Variants in SMURF2 observed in about 807,000 individuals in gnomAD.
SMURF2 encodes SMAD specific E3 ubiquitin protein ligase 2, also known as E3 ubiquitin-protein ligase SMURF2.
SMURF2 carries 48 observed loss-of-function variants against 109.6 expected under a neutral mutation model. That is an observed-to-expected ratio of 0.44 (90% CI 0.35 to 0.56). The LOEUF is 0.56. Ranked by LOEUF, SMURF2 falls within the 20% of genes least tolerant of loss-of-function variation. The probability of loss-of-function intolerance (pLI) is 0.01; values close to 1 mark genes in which losing one functional copy is unlikely to be tolerated. For synonymous variants in SMURF2, 288 were observed against 317.1 expected (o/e 0.91, Z 0.97); for missense variants, 575 against 909.0 (o/e 0.63, Z 4.72).
chr17:64,546,260 T>C lies in SMURF2; in HGVS notation c.2147+3A>G, dbSNP rs1968952785. The C allele has an allele frequency of 6.2e-7, 1 of 1,613,912 alleles. No individual in the cohort carries two copies. The highest frequency in any genetic ancestry group is 2.2e-5 in the East Asian group (1 of 44,884). On this transcript the variant is annotated splice_donor_region_variant and intron_variant, in intron 18 of 18. Coordinates refer to ENST00000262435, the MANE Select transcript of SMURF2 (RefSeq NM_022739.4). ...GGGGAATACAGCTACAAAAATACCT[T>C]ACCAAGTGTGGGCTTTCGGCAGGTT...
At chr17:64,583,988 A>G (rs1172262103) in intron 6 of SMURF2, among the ~76,000 whole-genome samples, 4 of 152,008 alleles carry the variant, frequency 2.6e-5, no homozygotes, top group African/African-American at 9.7e-5. Context: ...CATTTAGCCT[A>G]CCCAAACTAA....
chr17:64,631,960 G>GC (rs1970354488), intron 1 of SMURF2, among the ~76,000 whole-genome samples: 2 of 20,612 alleles, frequency 9.7e-5, no homozygotes, highest in African/African-American at 5.4e-4. Context: ...CTCTTTTTTT[G>GC]CGGGGGGGGG....
chr17:64,626,292 T>C (rs1970268847), intron 1 of SMURF2, among the ~76,000 whole-genome samples: 1 of 151,092 alleles, frequency 6.6e-6, no homozygotes, highest in Non-Finnish European at 1.5e-5. Context: ...CATAGGATTA[T>C]ACATATTCAT....
chr17:64,551,620 T>C lies in SMURF2; in HGVS notation c.1833A>G (p.Gln611=). 3 of 1,614,090 alleles carry C rather than the reference T, an allele frequency of 1.9e-6. No individual in the cohort carries two copies. Among genetic ancestry groups the C allele is most frequent in the Non-Finnish European group, 2.5e-6 (3 of 1,179,954 alleles). ...LQKGFNEVIP[Q]HLLKTFDEKE... Reference sequence around the variant, plus strand: ...TCTCATCAAATGTCTTCAGCAGATGTTGTGGAATTACTTCATTAAATCCTT... The same window carrying C: ...TCTCATCAAATGTCTTCAGCAGATGCTGTGGAATTACTTCATTAAATCCTT... Residue 611 remains glutamine, a synonymous_variant, in exon 16 of 19, where the codon CAA becomes CAG. Coordinates refer to ENST00000262435, the MANE Select transcript of SMURF2 (RefSeq NM_022739.4).
chr17:64,649,234 T>C (rs1223886418), intron 1 of SMURF2, among the ~76,000 whole-genome samples: 2 of 152,234 alleles, frequency 1.3e-5, no homozygotes, highest in African/African-American at 4.8e-5. Flanking sequence ...CACACTCATT[T>C]AGACTTTGGG....
At chr17:64,644,985 A>G (rs1970540685) in intron 1 of SMURF2, among the ~76,000 whole-genome samples, 1 of 151,660 alleles carries the variant, frequency 6.6e-6, no homozygotes. Context: ...TTCAGCCTGG[A>G]TAACAAGAGC....
Position 64,545,797 on chromosome 17 carries a change from C to T in SMURF2, c.*51G>A. ...TCTTTGAAACTCTGCTGAAAGGAGG[C>T]TGTCAGTCAGGGTTGTATAAATAGA... On this transcript the variant is annotated 3_prime_UTR_variant, in exon 19 of 19. Coordinates refer to ENST00000262435, the MANE Select transcript of SMURF2 (RefSeq NM_022739.4). 1 of 795,022 alleles carries T rather than the reference C, an allele frequency of 1.3e-6. No individual in the cohort carries two copies. The highest frequency in any genetic ancestry group is 2.0e-6 in the Non-Finnish European group (1 of 491,464). 49.2% of individuals were successfully genotyped at this position (795,022 alleles called of 1,614,324 possible).
intron 1 of SMURF2, among the ~76,000 whole-genome samples, chr17:64,609,358 C>T (rs1163035969): frequency 1.3e-5 from 2 of 152,196 alleles, no homozygotes; most frequent in Non-Finnish European, 2.9e-5. Context: ...ATCACACTAC[C>T]TGACTTCAAA....
At chr17:64,576,834 G>C (rs1170466282) in intron 9 of SMURF2, among the ~76,000 whole-genome samples, 1 of 132,910 alleles carries the variant, frequency 7.5e-6, no homozygotes, top group East Asian at 2.3e-4. Context: ...TAAAGGGTAT[G>C]TGTTCCGTTA....
intron 11 of SMURF2, among the ~76,000 whole-genome samples, chr17:64,562,285 C>CAAAAA (rs782461489): frequency 2.6e-4 from 5 of 19,010 alleles, no homozygotes; most frequent in African/African-American, 3.1e-4. Flanking sequence ...GACTCCGTCT[C>CAAAAA]AAAAAAAAAA....
chr17:64,601,610 C>T (rs1175024316), intron 2 of SMURF2, among the ~76,000 whole-genome samples: 1 of 152,084 alleles, frequency 6.6e-6, no homozygotes. Context: ...GTAATGTAAA[C>T]TAGTACAACC....
chr17:64,642,000 T>G (rs75614926), intron 1 of SMURF2, among the ~76,000 whole-genome samples: 2 of 152,118 alleles, frequency 1.3e-5, no homozygotes, highest in East Asian at 3.9e-4. Context: ...AGAAACAGGG[T>G]TTCACCATGT....
chr17:64,662,082 C>G lies in SMURF2; in HGVS notation c.-202G>C, dbSNP rs1452901875. ...GCCGAGCTCCCCCCTCCTCCCACTT[C>G]TCCTTCCTCGGCCCGGGCCGCACAA... On this transcript the variant is annotated 5_prime_UTR_variant, in exon 1 of 19. Coordinates refer to ENST00000262435, the MANE Select transcript of SMURF2 (RefSeq NM_022739.4). The G allele has an allele frequency of 1.8e-6, 2 of 1,082,200 alleles. No individual in the cohort carries two copies. Among genetic ancestry groups the G allele is most frequent in the Non-Finnish European group, 2.2e-6 (2 of 892,652 alleles). 67.0% of individuals were successfully genotyped at this position (1,082,200 alleles called of 1,614,324 possible).
At chr17:64,564,131 A>G (rs1382520977) in intron 10 of SMURF2, among the ~76,000 whole-genome samples, 2 of 152,230 alleles carry the variant, frequency 1.3e-5, no homozygotes, top group African/African-American at 4.8e-5. Context: ...TTATTTAACC[A>G]AGAGAAATGA....
chr17:64,618,881 T>C (rs1970159725), intron 1 of SMURF2, among the ~76,000 whole-genome samples: 1 of 152,184 alleles, frequency 6.6e-6, no homozygotes, highest in African/African-American at 2.4e-5. Context: ...CTATAAGCAC[T>C]ATAAAAGAGT....
At chr17:64,578,883 G>A (rs1169444260) in intron 8 of SMURF2, among the ~76,000 whole-genome samples, 3 of 152,176 alleles carry the variant, frequency 2.0e-5, no homozygotes, top group African/African-American at 7.2e-5. Flanking sequence ...AATTTTAAAT[G>A]ATGTATAAAA....
At chr17:64,612,914 A>T (rs1970064709) in intron 1 of SMURF2, among the ~76,000 whole-genome samples, 2 of 152,208 alleles carry the variant, frequency 1.3e-5, no homozygotes, top group Admixed American at 1.3e-4. Flanking sequence ...GTTCTAGAAG[A>T]AACAAGATTA....
intron 1 of SMURF2, 127 bp downstream of exon 1, chr17:64,661,702 G>A: frequency 3.6e-6 from 2 of 561,966 alleles, no homozygotes; most frequent in Non-Finnish European, 5.0e-6. Context: ...CCTGAACTAG[G>A]CCTTCCCATT....
chr17:64,617,720 C>T (rs1192852742), intron 1 of SMURF2, among the ~76,000 whole-genome samples: 1 of 152,132 alleles, frequency 6.6e-6, no homozygotes, highest in Non-Finnish European at 1.5e-5. Context: ...CCTCCTACCT[C>T]AGTCTCCCAG....
Sources: gnomAD v4.1 joint callset for allele counts (sites outside exome capture counted in the v4.1 genomes callset) on GRCh38, gnomAD v4.1.1 for gene constraint, MANE v1.5 for transcripts, NCBI Gene and HGNC (gene_info 2026-07-23, HGNC 2026-07-21) for gene names.